HMCN1: variants seen among roughly 807,000 people sequenced by gnomAD.
The protein encoded by HMCN1 is hemicentin 1.
Under a neutral mutation model 625.9 loss-of-function variants are expected in HMCN1, and 321 were observed. That is an observed-to-expected ratio of 0.51 (90% CI 0.47 to 0.56). HMCN1 has a LOEUF of 0.56. Among genes scored for constraint, HMCN1 ranks in the 20% least tolerant of loss-of-function variants. The probability of loss-of-function intolerance (pLI) is 0.00; values close to 1 mark genes in which losing one functional copy is unlikely to be tolerated. For synonymous variants in HMCN1, 2,425 were observed against 2,417.6 expected, an observed-to-expected ratio of 1.00 and a Z score of -0.09; for missense variants, 6,588 against 6,887.3, an observed-to-expected ratio of 0.96 and a Z score of 1.54.
At chr1:185,819,479 T>C (rs760094511) in intron 1 of HMCN1, among the ~76,000 whole-genome samples, 11 of 152,196 alleles carry the variant, frequency 7.2e-5, no homozygotes, top group Non-Finnish European at 1.3e-4. Flanking sequence ...ATGAGTTCTC[T>C]GATATTACCT....
chr1:185,794,369 A>T (rs546495577), intron 1 of HMCN1, among the ~76,000 whole-genome samples: 94 of 150,248 alleles, frequency 6.3e-4, no homozygotes, highest in Admixed American at 6.2e-3. Context: ...ATGTGAGTTT[A>T]TTAAGGAGTA....
At chr1:185,940,539 T>G (rs931393850) in intron 11 of HMCN1, among the ~76,000 whole-genome samples, 10 of 152,226 alleles carry the variant, frequency 6.6e-5, no homozygotes, top group African/African-American at 2.4e-4. Context: ...AAATAGACCT[T>G]CTTTCTCTTT....
intron 78 of HMCN1, 30 bp from the exon 79 acceptor site, chr1:186,119,714 TA>T (rs1390592306): frequency 2.5e-6 from 4 of 1,610,880 alleles, no homozygotes; most frequent in Non-Finnish European, 3.4e-6. Context: ...CTAGTGCTAT[TA>T]CTTCTTTTTG....
At chr1:186,118,123 T>A (rs1187263708) in intron 77 of HMCN1, among the ~76,000 whole-genome samples, 2 of 152,006 alleles carry the variant, frequency 1.3e-5, no homozygotes, top group Admixed American at 6.6e-5. Flanking sequence ...TGAAGGAAAA[T>A]TTTTTATAGT....
intron 97 of HMCN1, among the ~76,000 whole-genome samples, chr1:186,164,438 T>C (rs1571447559): frequency 6.6e-6 from 1 of 151,912 alleles, no homozygotes; most frequent in South Asian, 2.1e-4. Context: ...ACAGACGGGG[T>C]TTCACCATGT....
At chr1:185,911,105 C>T (rs1171716301) in intron 5 of HMCN1, among the ~76,000 whole-genome samples, 5 of 152,058 alleles carry the variant, frequency 3.3e-5, no homozygotes, top group South Asian at 2.1e-4. Context: ...CATGGGAAAC[C>T]GGTTAAGGTT....
At chr1:185,900,540 G>A (rs933258963) in intron 4 of HMCN1, among the ~76,000 whole-genome samples, 3 of 151,840 alleles carry the variant, frequency 2.0e-5, no homozygotes, top group Non-Finnish European at 2.9e-5. Context: ...AGTCCACATA[G>A]ATGGCTCATC....
chr1:186,153,630 G>T, intron 96 of HMCN1, 120 bp from the exon 97 acceptor site: 1 of 809,068 alleles, frequency 1.2e-6, no homozygotes, highest in East Asian at 2.5e-5. Context: ...CATCATGCAT[G>T]ATGTGTGTTT....
At chr1:185,820,318 G>A (rs1017147202) in intron 1 of HMCN1, among the ~76,000 whole-genome samples, 1 of 152,056 alleles carries the variant, frequency 6.6e-6, no homozygotes, top group African/African-American at 2.4e-5. Context: ...TGTTATACAA[G>A]GGCATTAAAG....
chr1:186,079,922 G>T (rs142479032), intron 55 of HMCN1, among the ~76,000 whole-genome samples: 1 of 152,150 alleles, frequency 6.6e-6, no homozygotes, highest in Non-Finnish European at 1.5e-5. Context: ...ATTCTGAGTG[G>T]TGTAACCCAC....
chr1:185,904,658 T>C (rs1571536553), intron 4 of HMCN1, among the ~76,000 whole-genome samples: 2 of 151,984 alleles, frequency 1.3e-5, no homozygotes, highest in Admixed American at 6.6e-5. Context: ...TGCCTTCTTA[T>C]TAGCTGTATA....
chr1:185,868,013 G>C (rs959519570), intron 4 of HMCN1, among the ~76,000 whole-genome samples: 21 of 151,984 alleles, frequency 1.4e-4, no homozygotes, highest in African/African-American at 5.1e-4. Context: ...AGGTTGCAGT[G>C]AGCTGAGACC....
Position 186,136,786 on chromosome 1 carries a change from G to A in HMCN1, c.13431G>A (p.Gly4477=), listed in dbSNP as rs1472716362. 2 of 1,613,862 alleles carry A rather than the reference G, an allele frequency of 1.2e-6. No individual in the cohort carries two copies. Among genetic ancestry groups the A allele is most frequent in the Admixed American group, 1.7e-5 (1 of 59,960 alleles). ...CAACCATTACATGGTCCCGTCAAGG[G>A]CACTCTATTTCCTGGGATGACCGGG... ...PQPTITWSRQ[G]HSISWDDRVN... is the part of the protein sequence containing the mutation. Residue 4477 remains glycine (G), a synonymous_variant, in exon 87 of 107, where the codon GGG becomes GGA. Transcript: ENST00000271588.
chr1:186,137,905 G>A lies in HMCN1; in HGVS notation c.13857G>A (p.Gln4619=), dbSNP rs1468909641. The A allele has an allele frequency of 6.2e-7, 1 of 1,614,070 alleles. No individual in the cohort carries two copies. Among genetic ancestry groups the A allele is most frequent in the Non-Finnish European group, 8.5e-7 (1 of 1,179,972 alleles). The part of the protein sequence containing the change: ...RTRTCNNPSV[Q]HGGRPCEGNA... ...GGACTTGCAATAATCCATCAGTTCAGCATGGTGGGCGGCCATGTGAAGGGA... is the reference window on the plus strand; with the variant it reads ...GGACTTGCAATAATCCATCAGTTCAACATGGTGGGCGGCCATGTGAAGGGA... Residue 4619 remains glutamine (Q), a synonymous_variant, in exon 89 of 107, where the codon CAG becomes CAA. Transcript: ENST00000271588.
intron 15 of HMCN1, among the ~76,000 whole-genome samples, chr1:185,974,803 G>A (rs74134243): frequency 6.6e-6 from 1 of 152,252 alleles, no homozygotes; most frequent in African/African-American, 2.4e-5. Flanking sequence ...TTGACCTTGT[G>A]CTTGTTTTGT....
chr1:185,993,596 C>T (rs1195125135), intron 23 of HMCN1, among the ~76,000 whole-genome samples: 1 of 151,806 alleles, frequency 6.6e-6, no homozygotes, highest in Non-Finnish European at 1.5e-5. Context: ...TGTTGATATA[C>T]AGTAGAAAAA....
chr1:185,859,128 T>TTGTG (rs59835697), intron 2 of HMCN1, among the ~76,000 whole-genome samples: 2,267 of 138,360 alleles, frequency 0.016, 62 homozygotes, highest in African/African-American at 0.054. Flanking sequence ...TTTATAAACT[T>TTGTG]TGTGTGTGTG....
At chr1:185,912,800 G>T (rs1463117559) in intron 6 of HMCN1, among the ~76,000 whole-genome samples, 1 of 151,970 alleles carries the variant, frequency 6.6e-6, no homozygotes, top group Admixed American at 6.6e-5. Flanking sequence ...CTTCCTATTA[G>T]CATTCCTTCC....
intron 2 of HMCN1, among the ~76,000 whole-genome samples, chr1:185,853,108 T>A (rs1223204621): frequency 6.6e-6 from 1 of 152,122 alleles, no homozygotes; most frequent in Non-Finnish European, 1.5e-5. Flanking sequence ...GTTAACATAT[T>A]TATTTATATA....
Sources: allele counts gnomAD v4.1 joint callset (sites outside exome capture counted in the v4.1 genomes callset), GRCh38; gene constraint gnomAD v4.1.1; transcripts MANE v1.5; gene names NCBI Gene and HGNC (gene_info 2026-07-23, HGNC 2026-07-21).